The following FOXL2NB variants were observed in gnomAD, a reference collection of about 807,000 sequenced individuals.
The protein encoded by FOXL2NB is FOXL2 neighbor protein.
In FOXL2NB, 10 loss-of-function variants were observed where a neutral mutation model predicts 7.4. That is an observed-to-expected ratio of 1.34 (90% confidence interval 0.83 to 2.28). FOXL2NB has a LOEUF of 2.28. Ranked by LOEUF, FOXL2NB falls within the 30% of genes most tolerant of loss-of-function variation. The pLI is 0.00. For synonymous variants in FOXL2NB, 104 were observed against 105.3 expected, an observed-to-expected ratio of 0.99 and a Z score of 0.08; for missense variants, 228 against 233.9, an observed-to-expected ratio of 0.97 and a Z score of 0.17.
In FOXL2NB at chr3:138,950,691, A is replaced by C; in HGVS notation, c.*119A>C. ...GGTGTCCCTCCACTCAGGTCACGTT[A>C]CTCCATCCACTTCTCTCTCCTTCTC... On this transcript the variant is annotated 3_prime_UTR_variant, in exon 3 of 3. Transcript: ENST00000383165. The C allele has an allele frequency of 1.0e-6, 1 of 1,003,012 alleles. No homozygotes were observed. The highest frequency in any genetic ancestry group is 1.5e-6 in the Non-Finnish European group (1 of 664,694). The allele number at this position is 1,003,012 out of a possible 1,614,324, so 62.1% of individuals were successfully genotyped here. A position where few individuals can be genotyped will look rare whatever the true frequency, so the allele number is the denominator to read the frequency against.
rs565138229 is a variant in FOXL2NB at position 138,947,239 on chromosome 3, T to C, written c.-126T>C. On this transcript the variant is annotated 5_prime_UTR_variant, in exon 1 of 3. Coordinates refer to ENST00000383165, the MANE Select transcript of FOXL2NB (RefSeq NM_001040061.3). This position sits in a 1 kb window ranked among gnomAD's most constrained non-coding sequence, Gnocchi z 5.2. ...GGCGAGTTCATCTCCAAGTCACTTT[T>C]TGTAAACGCCCCGCACAGCCTGGAC... 4.0e-6 allele frequency: 3 copies of C among 749,616 alleles called. No individual in the cohort carries two copies. Among genetic ancestry groups the C allele is most frequent in the African/African-American group, 1.8e-5 (1 of 54,866 alleles). The allele number at this position is 749,616 out of a possible 1,614,324, so 46.4% of individuals were successfully genotyped here. A position where few individuals can be genotyped will look rare whatever the true frequency, so the allele number is the denominator to read the frequency against.
In FOXL2NB at chr3:138,947,368, ACGAGGACCCCGGTGGGGTCTGCC is replaced by A. The variant is rs1936008066; in HGVS notation, c.7_29del (p.Arg3HisfsTer35). On this transcript the variant is annotated frameshift_variant, in exon 1 of 3. Transcript: ENST00000383165. LOFTEE classifies it high-confidence loss of function. The surrounding 1 kb of genome is among the most constrained non-coding windows in gnomAD (Gnocchi z 5.2). ...GCTCTGCGGGCTGGGCTGGGAGATG[ACGAGGACCCCGGTGGGGTCTGCC>A]CGCACCCGGCCAAAGCCCAGGAAGC... is the stretch of plus-strand genomic sequence containing the variant. 6.5e-7 allele frequency: 1 copy of A among 1,547,118 alleles called. No individual in the cohort carries two copies. The highest frequency in any genetic ancestry group is 8.7e-7 in the Non-Finnish European group (1 of 1,145,364).
Position 138,949,433 on chromosome 3 carries a change from A to AG in FOXL2NB, c.101-87_101-86insG. ...GTGTGTGTGTAGGGGTTGGGGGCAA[A>AG]TGAAGGAGTTCCTCTGAAGGATTTT... is the stretch of plus-strand genomic sequence containing the variant. On this transcript the variant is annotated intron_variant, in intron 1 of 2. Coordinates refer to ENST00000383165, the MANE Select transcript of FOXL2NB (RefSeq NM_001040061.3). This position sits in a 1 kb window ranked among gnomAD's most constrained non-coding sequence, Gnocchi z 4.5. The AG allele has an allele frequency of 6.7e-7, 1 of 1,493,448 alleles. No homozygotes were observed. Among genetic ancestry groups the AG allele is most frequent in the Non-Finnish European group, 9.1e-7 (1 of 1,102,882 alleles). The allele number at this position is 1,493,448 out of a possible 1,614,324, so 92.5% of individuals were successfully genotyped here.
rs766179348 is a variant in FOXL2NB at position 138,950,362 on chromosome 3, C to CAGCG, written c.319_322dup (p.Ala108GlufsTer39). ...AGCGTCGCGGCTGCTCTGAGGCAGG[C>CAGCG]AGCGCTTCGCTAGAACCACTCAGCT... On this transcript the variant is annotated frameshift_variant, in exon 3 of 3. Transcript: ENST00000383165. LOFTEE classifies it low-confidence loss of function (END_TRUNC). 2.5e-6 allele frequency: 4 copies of CAGCG among 1,611,950 alleles called. No individual in the cohort carries two copies. The South Asian group carries it at 4.4e-5, about 18-fold the overall frequency.
Position 138,947,376 on chromosome 3 carries a change from C to A in FOXL2NB, c.12C>A (p.Thr4=). The change falls in exon 1 of 3, where the codon ACC becomes ACA. Residue 4 remains threonine (T), a synonymous_variant. Coordinates refer to ENST00000383165, the MANE Select transcript of FOXL2NB (RefSeq NM_001040061.3). This position sits in a 1 kb window ranked among gnomAD's most constrained non-coding sequence, Gnocchi z 5.2. The stretch of plus-strand genomic sequence containing the variant: ...GGCTGGGCTGGGAGATGACGAGGAC[C>A]CCGGTGGGGTCTGCCCGCACCCGGC... The part of the protein sequence containing the change: MTR[T]PVGSARTRPK... 6.5e-7 allele frequency: 1 copy of A among 1,548,066 alleles called. No individual in the cohort carries two copies. The highest frequency in any genetic ancestry group is 2.5e-5 in the East Asian group (1 of 40,744).
chr3:138,948,494 C>G (rs1936036101), intron 1 of FOXL2NB, among the ~76,000 whole-genome samples: 2 of 152,284 alleles, frequency 1.3e-5, no homozygotes, highest in South Asian at 4.2e-4. Context: ...GAGAGATGGC[C>G]AGTGTTTTGA....
chr3:138,949,067 G>A lies in FOXL2NB; in HGVS notation c.101-453G>A, dbSNP rs572626215. 1.3e-5 allele frequency among the ~76,000 whole-genome samples: 2 copies of A among 152,268 alleles called. No homozygotes were observed. The highest frequency in any genetic ancestry group is 4.1e-4 in the South Asian group (2 of 4,820). On this transcript the variant is annotated intron_variant, in intron 1 of 2. Coordinates refer to ENST00000383165, the MANE Select transcript of FOXL2NB (RefSeq NM_001040061.3). This position sits in a 1 kb window ranked among gnomAD's most constrained non-coding sequence, Gnocchi z 4.5. The stretch of plus-strand genomic sequence containing the variant: ...CCTTGCCCAAGCTTTGGGTGGGAGT[G>A]GTGAGTCCGGTTTGGGGCTGCTGCA...
Position 138,947,954 on chromosome 3 carries a change from C to T in FOXL2NB, c.100+490C>T, listed in dbSNP as rs1188995371. On this transcript the variant is annotated intron_variant, in intron 1 of 2. Transcript: ENST00000383165. The surrounding 1 kb of genome is among the most constrained non-coding windows in gnomAD (Gnocchi z 5.2). ...CACATATGGAAGTCATGGAGAGGAG[C>T]TGTCCTTGAGATGGGTGAGATACCA... 7.8e-5 allele frequency: 77 copies of T among 986,356 alleles called. No individual in the cohort carries two copies. Among genetic ancestry groups the T allele is most frequent in the Non-Finnish European group, 9.0e-5 (75 of 830,728 alleles). The allele number at this position is 986,356 out of a possible 1,614,324, so 61.1% of individuals were successfully genotyped here.
Position 138,947,784 on chromosome 3 carries a change from T to C in FOXL2NB, c.100+320T>C. 9.0e-7 allele frequency: 1 copy of C among 1,116,348 alleles called. No individual in the cohort carries two copies. The highest frequency in any genetic ancestry group is 1.6e-5 in the African/African-American group (1 of 60,632). 69.2% of individuals were successfully genotyped at this position (1,116,348 alleles called of 1,614,324 possible). On this transcript the variant is annotated intron_variant, in intron 1 of 2. Transcript: ENST00000383165. This position sits in a 1 kb window ranked among gnomAD's most constrained non-coding sequence, Gnocchi z 5.2. Reference sequence around the variant, plus strand: ...TACCAGTGGATCTAGGAACCAGGAATCCGTGTACTAATCCTACGGGGTTGG... The same window carrying C: ...TACCAGTGGATCTAGGAACCAGGAACCCGTGTACTAATCCTACGGGGTTGG...
rs1228351599 is a variant in FOXL2NB at position 138,947,558 on chromosome 3, G to C, written c.100+94G>C. The C allele has an allele frequency of 4.7e-6, 7 of 1,476,632 alleles. No individual in the cohort carries two copies. The Admixed American group carries it at 1.4e-4, about 30-fold the overall frequency. The allele number at this position is 1,476,632 out of a possible 1,614,324, so 91.5% of individuals were successfully genotyped here. ...TGGGGAGGGGCGAGACGGCGAGGGG[G>C]CTGGACGGGGTAGGGTGGGGAGAGC... is the stretch of plus-strand genomic sequence containing the variant. On this transcript the variant is annotated intron_variant, in intron 1 of 2. Coordinates refer to ENST00000383165, the MANE Select transcript of FOXL2NB (RefSeq NM_001040061.3). The surrounding 1 kb of genome is among the most constrained non-coding windows in gnomAD (Gnocchi z 5.2).
chr3:138,950,291 A>T lies in FOXL2NB; in HGVS notation c.247A>T (p.Lys83Ter). The T allele has an allele frequency of 6.2e-7, 1 of 1,605,636 alleles. No individual in the cohort carries two copies. The highest frequency in any genetic ancestry group is 1.7e-4 in the Middle Eastern group (1 of 6,042). The part of the protein sequence containing the change: ...TGPGILQQRQ[K>*]PPAPRASGGP... ...GCCGGGAATCCTGCAACAGCGGCAG[A>T]AGCCGCCCGCGCCTCGGGCTTCCGG... Residue 83 changes from lysine (K) to a stop codon, truncating the protein, a stop_gained, in exon 3 of 3, where the codon AAG becomes TAG. Transcript: ENST00000383165. LOFTEE classifies it low-confidence loss of function (END_TRUNC).
Position 138,947,221 on chromosome 3 carries a change from T to G in FOXL2NB, c.-144T>G. ...GGCGGCCAGCCGCGCACGGGCGAGT[T>G]CATCTCCAAGTCACTTTTTGTAAAC... On this transcript the variant is annotated 5_prime_UTR_variant, in exon 1 of 3. Transcript: ENST00000383165. This position sits in a 1 kb window ranked among gnomAD's most constrained non-coding sequence, Gnocchi z 5.2. 1 of 657,818 alleles carries G rather than the reference T, an allele frequency of 1.5e-6. No individual in the cohort carries two copies. Among genetic ancestry groups the G allele is most frequent in the Non-Finnish European group, 2.5e-6 (1 of 393,478 alleles). The allele number at this position is 657,818 out of a possible 1,614,324, so 40.7% of individuals were successfully genotyped here. A position where few individuals can be genotyped will look rare whatever the true frequency, so the allele number is the denominator to read the frequency against.
chr3:138,950,618 C>G lies in FOXL2NB; in HGVS notation c.*46C>G. 1 of 1,599,324 alleles carries G rather than the reference C, an allele frequency of 6.3e-7. No homozygotes were observed. Among genetic ancestry groups the G allele is most frequent in the South Asian group, 1.1e-5 (1 of 88,972 alleles). On this transcript the variant is annotated 3_prime_UTR_variant, in exon 3 of 3. Coordinates refer to ENST00000383165, the MANE Select transcript of FOXL2NB (RefSeq NM_001040061.3). ...GCCTCAACAACTGTCAGCACTCACT[C>G]CCTCCCGGCCCCTCACAGGGCCCTT...
At chr3:138,950,005 G>A in intron 2 of FOXL2NB, 1 of 701,968 alleles carries the variant, frequency 1.4e-6, no homozygotes, top group Non-Finnish European at 2.6e-6. Flanking sequence ...ACCTCCAAAG[G>A]CCAGGGTGGT....
At chr3:138,948,473 A>C (rs1361756393) in intron 1 of FOXL2NB, among the ~76,000 whole-genome samples, 1 of 152,362 alleles carries the variant, frequency 6.6e-6, no homozygotes, top group East Asian at 1.9e-4. Context: ...GTCTGCAGTC[A>C]TAAAGTATGA....
Position 138,947,602 on chromosome 3 carries a change from A to G in FOXL2NB, c.100+138A>G, listed in dbSNP as rs1936016291. On this transcript the variant is annotated intron_variant, in intron 1 of 2. Coordinates refer to ENST00000383165, the MANE Select transcript of FOXL2NB (RefSeq NM_001040061.3). The surrounding 1 kb of genome is among the most constrained non-coding windows in gnomAD (Gnocchi z 5.2). ...GGAGAGCTGCTCTGAGGCTTTGGGA[A>G]AGTCAGCCCAGAAACGGGTGTGACT... 9.2e-6 allele frequency: 13 copies of G among 1,417,786 alleles called. No homozygotes were observed. The highest frequency in any genetic ancestry group is 1.2e-5 in the Non-Finnish European group (13 of 1,085,734). 87.8% of individuals were successfully genotyped at this position (1,417,786 alleles called of 1,614,324 possible).
At position 138,949,758 on chromosome 3, in the gene FOXL2NB, T is replaced by G. The variant is rs1176176686; in HGVS notation, c.220+119T>G. On this transcript the variant is annotated intron_variant, in intron 2 of 2. Transcript: ENST00000383165. The surrounding 1 kb of genome is among the most constrained non-coding windows in gnomAD (Gnocchi z 4.5). ...AGAGGAATCTAGGGAGAGAACAGAA[T>G]CCTCTCCTTGCCGGCCCAGCCAGAG... 2 of 1,463,750 alleles carry G rather than the reference T, an allele frequency of 1.4e-6. No individual in the cohort carries two copies. Among genetic ancestry groups the G allele is most frequent in the South Asian group, 1.1e-5 (1 of 86,980 alleles). The allele number at this position is 1,463,750 out of a possible 1,614,324, so 90.7% of individuals were successfully genotyped here.
chr3:138,947,222 C>T lies in FOXL2NB; in HGVS notation c.-143C>T, dbSNP rs1936003682. The T allele has an allele frequency of 1.5e-6, 1 of 663,824 alleles. No individual in the cohort carries two copies. Among genetic ancestry groups the T allele is most frequent in the African/African-American group, 1.9e-5 (1 of 53,302 alleles). 41.1% of individuals were successfully genotyped at this position (663,824 alleles called of 1,614,324 possible). ...GCGGCCAGCCGCGCACGGGCGAGTT[C>T]ATCTCCAAGTCACTTTTTGTAAACG... On this transcript the variant is annotated 5_prime_UTR_variant, in exon 1 of 3. Transcript: ENST00000383165. This position sits in a 1 kb window ranked among gnomAD's most constrained non-coding sequence, Gnocchi z 5.2.
Position 138,949,943 on chromosome 3 carries a change from C to T in FOXL2NB, c.220+304C>T. 1.4e-6 allele frequency: 1 copy of T among 692,708 alleles called. No homozygotes were observed. The highest frequency in any genetic ancestry group is 2.6e-6 in the Non-Finnish European group (1 of 380,316). The allele number at this position is 692,708 out of a possible 1,614,324, so 42.9% of individuals were successfully genotyped here. ...CCAGGGCCGGTTCCTTTTCTCCCCG[C>T]GGCATTGGGGCGACGCAGGGCCCCC... On this transcript the variant is annotated intron_variant, in intron 2 of 2. Coordinates refer to ENST00000383165, the MANE Select transcript of FOXL2NB (RefSeq NM_001040061.3). The surrounding 1 kb of genome is among the most constrained non-coding windows in gnomAD (Gnocchi z 4.5).
Sources: allele counts gnomAD v4.1 joint callset (sites outside exome capture counted in the v4.1 genomes callset), GRCh38; gene constraint gnomAD v4.1.1; non-coding constraint Gnocchi (gnomAD v3.1); transcripts MANE v1.5; gene names NCBI Gene and HGNC (gene_info 2026-07-23, HGNC 2026-07-21).